Variants in TIMM23B observed in about 807,000 individuals in gnomAD.
TIMM23B encodes the protein mitochondrial import inner membrane translocase subunit Tim23B.
Under a neutral mutation model 27.3 loss-of-function variants are expected in TIMM23B, and 27 were observed. The observed-to-expected ratio is 0.99, with a 90% confidence interval of 0.73 to 1.36. The LOEUF (loss-of-function observed/expected upper bound fraction) is 1.36, where lower values mean the gene tolerates loss of function less well. Among genes scored for constraint, TIMM23B ranks in the 40% most tolerant of loss-of-function variants. The probability of loss-of-function intolerance (pLI) is 0.00; values close to 1 mark genes in which losing one functional copy is unlikely to be tolerated. For missense variants in TIMM23B, 205 were observed against 244.2 expected, an observed-to-expected ratio of 0.84 and a Z score of 1.07; for synonymous variants, 73 against 92.4, an observed-to-expected ratio of 0.79 and a Z score of 1.21.
rs1251547520 is a variant in TIMM23B, at chr10:49,947,566, A to G, written c.165+2476A>G. 8.2e-4 allele frequency among the ~76,000 whole-genome samples: 124 copies of G among 152,088 alleles called. 2 individuals carry two copies. In the Middle Eastern group the frequency reaches 0.044, roughly 54 times the overall value. On this transcript the variant is annotated intron_variant, in intron 2 of 6. Coordinates refer to ENST00000651259, the MANE Select transcript of TIMM23B (RefSeq NM_001290117.2). ...AGAGGTTGTGGTGAGCCGAGATCGCACCACCCGCACTTCAGCCTGGGCAAC... is the reference window on the plus strand; with the variant it reads ...AGAGGTTGTGGTGAGCCGAGATCGCGCCACCCGCACTTCAGCCTGGGCAAC...
chr10:49,968,033 G>A (rs1280496828), intron 6 of TIMM23B, among the ~76,000 whole-genome samples: 1 of 152,228 alleles, frequency 6.6e-6, no homozygotes, highest in Non-Finnish European at 1.5e-5. Context: ...AACATAATTT[G>A]GCCCAACAAA....
chr10:49,946,030 A>C lies in TIMM23B; in HGVS notation c.165+940A>C, dbSNP rs1198780969. 3.4e-3 allele frequency among the ~76,000 whole-genome samples: 518 copies of C among 152,342 alleles called. 1 individual carries two copies. Among genetic ancestry groups the C allele is most frequent in the African/African-American group, 0.011 (478 of 41,574 alleles). On this transcript the variant is annotated intron_variant, in intron 2 of 6. Coordinates refer to ENST00000651259, the MANE Select transcript of TIMM23B (RefSeq NM_001290117.2). Reference sequence around the variant, plus strand: ...CATAGCGAAACGCTGTTTCTACTAAAAATACAAAAATTAGCCAGGCGTGGT... The same window carrying C: ...CATAGCGAAACGCTGTTTCTACTAACAATACAAAAATTAGCCAGGCGTGGT...
chr10:49,953,499 C>G (rs1311203095), intron 4 of TIMM23B, among the ~76,000 whole-genome samples: 3 of 152,112 alleles, frequency 2.0e-5, no homozygotes, highest in Admixed American at 6.5e-5. Context: ...GCACATGCCA[C>G]CATGCCCAGT....
At chr10:49,958,852 A>G (rs1839808643) in intron 6 of TIMM23B, among the ~76,000 whole-genome samples, 2 of 152,358 alleles carry the variant, frequency 1.3e-5, no homozygotes, top group South Asian at 4.1e-4. Flanking sequence ...GTAGAATCAT[A>G]CAATATTTGT....
At chr10:49,969,764 C>A (rs533183144) in intron 6 of TIMM23B, among the ~76,000 whole-genome samples, 97 of 151,600 alleles carry the variant, frequency 6.4e-4, no homozygotes, top group Non-Finnish European at 1.2e-3. Flanking sequence ...CTCACTCTCC[C>A]TCTCCCCACG....
chr10:49,945,015 T>C lies in TIMM23B; in HGVS notation c.107-17T>C. 1 of 1,556,032 alleles carries C rather than the reference T, an allele frequency of 6.4e-7. No individual in the cohort carries two copies. Among genetic ancestry groups the C allele is most frequent in the Non-Finnish European group, 8.9e-7 (1 of 1,128,812 alleles). ...TAAAGAATTTTGTTGCAATGTGACA[T>C]TTTGTTTTCTCTCTAGTAACTGGTA... On this transcript the variant is annotated splice_polypyrimidine_tract_variant and intron_variant, in intron 1 of 6. Transcript: ENST00000651259.
At chr10:49,965,535 TGAAATGAAATGA>T (rs1363591612) in intron 6 of TIMM23B, among the ~76,000 whole-genome samples, 1 of 143,692 alleles carries the variant, frequency 7.0e-6, no homozygotes, top group African/African-American at 2.6e-5. Context: ...ACAAATGAAA[TGAAATGAAATGA>T]GAAATGAAAT....
intron 6 of TIMM23B, among the ~76,000 whole-genome samples, chr10:49,963,953 AG>A: frequency 6.6e-6 from 1 of 152,184 alleles, no homozygotes. Context: ...TGTTAGAACA[AG>A]CCTCTGGCTC....
At position 49,952,238 on chromosome 10, in the gene TIMM23B, T is replaced by G. The variant is rs1285264677; in HGVS notation, c.259+19T>G. On this transcript the variant is annotated intron_variant, in intron 3 of 6. Transcript: ENST00000651259. ...ATGACAGGTGAGTGTTACATACTTT[T>G]TTCTCAAGAGTGCTCAGTTCAAGTA... The G allele has an allele frequency of 8.1e-6, 13 of 1,598,566 alleles. No homozygotes were observed. The highest frequency in any genetic ancestry group is 1.7e-4 in the Middle Eastern group (1 of 6,058).
At chr10:49,952,389 T>C in intron 3 of TIMM23B, 60 bp from the exon 4 acceptor site, 3 of 1,570,784 alleles carry the variant, frequency 1.9e-6, no homozygotes, top group Non-Finnish European at 2.6e-6. Context: ...TTATGCAGTT[T>C]TGAGGTTTTT....
chr10:49,942,671 A>G (rs1341706235), intron 1 of TIMM23B, among the ~76,000 whole-genome samples: 3 of 152,204 alleles, frequency 2.0e-5, no homozygotes, highest in Non-Finnish European at 4.4e-5. Flanking sequence ...TTAACTTTTT[A>G]GTACACAGTG....
intron 5 of TIMM23B, among the ~76,000 whole-genome samples, chr10:49,957,862 C>G (rs1414734925): frequency 6.6e-6 from 1 of 152,332 alleles, no homozygotes; most frequent in East Asian, 1.9e-4. Flanking sequence ...ATAGACTGGG[C>G]ACAGAAATCC....
At chr10:49,972,593 T>C (rs200454698) in intron 6 of TIMM23B, among the ~76,000 whole-genome samples, 131 of 151,696 alleles carry the variant, frequency 8.6e-4, no homozygotes, top group African/African-American at 1.5e-3. Context: ...CAGAAGTAGT[T>C]ACTTACACCT....
At chr10:49,962,713 T>C (rs1421733216) in intron 6 of TIMM23B, among the ~76,000 whole-genome samples, 1 of 152,150 alleles carries the variant, frequency 6.6e-6, no homozygotes, top group Non-Finnish European at 1.5e-5. Context: ...ACCTTTTCTT[T>C]GAGGCCTTCT....
At chr10:49,964,609 G>A (rs1251303250) in intron 6 of TIMM23B, among the ~76,000 whole-genome samples, 1 of 150,122 alleles carries the variant, frequency 6.7e-6, no homozygotes, top group Non-Finnish European at 1.5e-5. Flanking sequence ...AATGCCGGGT[G>A]AAATGAAATG....
intron 2 of TIMM23B, among the ~76,000 whole-genome samples, chr10:49,948,300 C>T (rs1839416552): frequency 6.6e-6 from 1 of 152,120 alleles, no homozygotes; most frequent in South Asian, 2.1e-4. Context: ...CTTTTAGAAA[C>T]AGTCTGGCAG....
At chr10:49,947,700 G>T (rs1233451097) in intron 2 of TIMM23B, among the ~76,000 whole-genome samples, 1 of 152,108 alleles carries the variant, frequency 6.6e-6, no homozygotes, top group Non-Finnish European at 1.5e-5. Flanking sequence ...AGGCTGAGGC[G>T]GGAGGATCAC....
At position 49,942,179 on chromosome 10, in the gene TIMM23B, G is replaced by C. The variant is rs1839132738; in HGVS notation, c.-16G>C. On this transcript the variant is annotated 5_prime_UTR_variant, in exon 1 of 7. Transcript: ENST00000651259. ...CTTGAGGCAGCGGCGGGAACCACTC[G>C]GTTTGCTGCGATACCATGGAAGGAG... is the stretch of plus-strand genomic sequence containing the variant. 3.2e-6 allele frequency: 5 copies of C among 1,577,622 alleles called. No individual in the cohort carries two copies. Among genetic ancestry groups the C allele is most frequent in the Non-Finnish European group, 4.3e-6 (5 of 1,159,124 alleles).
chr10:49,951,011 A>T (rs1372649946), intron 2 of TIMM23B, among the ~76,000 whole-genome samples: 1 of 152,196 alleles, frequency 6.6e-6, no homozygotes, highest in Non-Finnish European at 1.5e-5. Flanking sequence ...TCATTATTTA[A>T]AAGTTGAAGT....
Sources: allele counts gnomAD v4.1 joint callset (sites outside exome capture counted in the v4.1 genomes callset), GRCh38; gene constraint gnomAD v4.1.1; transcripts MANE v1.5; gene names NCBI Gene and HGNC (gene_info 2026-07-23, HGNC 2026-07-21).